Variants in SLC38A1 observed in about 807,000 individuals in gnomAD.
SLC38A1 encodes sodium-coupled neutral amino acid symporter 1.
A neutral mutation model predicts 60.3 loss-of-function variants in SLC38A1; 18 were observed. The observed-to-expected ratio is 0.30, with a 90% confidence interval of 0.21 to 0.44. SLC38A1 has a LOEUF of 0.44. Ranked by LOEUF, SLC38A1 falls within the 20% of genes least tolerant of loss-of-function variation. The pLI is 1.00. For missense variants in SLC38A1, 448 were observed against 587.2 expected, an observed-to-expected ratio of 0.76 and a Z score of 2.45; for synonymous variants, 196 against 212.1, an observed-to-expected ratio of 0.92 and a Z score of 0.66.
rs182046226 is a variant in SLC38A1 at position 46,184,997 on chromosome 12, C to T, written c.*3973G>A. ...CTCACTTTCTTGCCATTGCAGAGAC[C>T]CCTGCCGCCAGGCTCCTTTCCTCCC... On this transcript the variant is annotated 3_prime_UTR_variant, in exon 17 of 17. Coordinates refer to ENST00000398637, the MANE Select transcript of SLC38A1 (RefSeq NM_030674.4). 1 of 152,150 alleles carries T rather than the reference C, an allele frequency of 6.6e-6. No homozygotes were observed. Among genetic ancestry groups the T allele is most frequent in the East Asian group, 1.9e-4 (1 of 5,188 alleles). 9.4% of individuals were successfully genotyped at this position (152,150 alleles called of 1,614,324 possible).
intron 16 of SLC38A1, chr12:46,196,141 T>G: frequency 6.5e-7 from 1 of 1,535,912 alleles, no homozygotes; most frequent in Non-Finnish European, 8.7e-7. Context: ...TACAGATTAC[T>G]AAATCCAGAA....
chr12:46,196,971 C>T (rs1368906109), intron 16 of SLC38A1, among the ~76,000 whole-genome samples: 1 of 152,222 alleles, frequency 6.6e-6, no homozygotes, highest in Admixed American at 6.5e-5. Flanking sequence ...TTTAAGCTAA[C>T]TCAGACATTT....
At chr12:46,189,608 T>G (rs566336986) in intron 16 of SLC38A1, among the ~76,000 whole-genome samples, 1 of 152,188 alleles carries the variant, frequency 6.6e-6, no homozygotes, top group African/African-American at 2.4e-5. Context: ...GGTGGACAGA[T>G]GATGATATGG....
chr12:46,249,114 C>A (rs965856236), intron 1 of SLC38A1, among the ~76,000 whole-genome samples: 1 of 144,680 alleles, frequency 6.9e-6, no homozygotes, highest in African/African-American at 2.6e-5. Flanking sequence ...CAAGATCGTG[C>A]CACTGCACTC....
intron 8 of SLC38A1, 121 bp downstream of exon 8, chr12:46,207,034 A>G (rs1437108042): frequency 3.0e-6 from 2 of 666,100 alleles, no homozygotes; most frequent in African/African-American, 1.8e-5. Context: ...TGAAACAACA[A>G]ACAAACAAAA....
chr12:46,216,017 T>G (rs757282244), intron 5 of SLC38A1, among the ~76,000 whole-genome samples: 2 of 152,144 alleles, frequency 1.3e-5, no homozygotes, highest in Non-Finnish European at 2.9e-5. Context: ...AGACAAACCA[T>G]AGGAAATGCA....
At chr12:46,195,549 G>A (rs1368853842) in intron 16 of SLC38A1, among the ~76,000 whole-genome samples, 2 of 152,214 alleles carry the variant, frequency 1.3e-5, no homozygotes, top group Non-Finnish European at 1.5e-5. Context: ...TGCCTCCAGA[G>A]GTGGAATCTA....
At chr12:46,266,477 G>C (rs569491038) in intron 1 of SLC38A1, among the ~76,000 whole-genome samples, 2 of 151,786 alleles carry the variant, frequency 1.3e-5, no homozygotes, top group African/African-American at 4.8e-5. Context: ...CCTTCCGCTG[G>C]CCTTCTTCCC....
chr12:46,198,166 T>C (rs1939474669), intron 14 of SLC38A1, 106 bp from the exon 15 acceptor site: 21 of 1,212,368 alleles, frequency 1.7e-5, no homozygotes, highest in Admixed American at 1.2e-4. Context: ...TCATGAAATG[T>C]TTTGTAATGC....
intron 3 of SLC38A1, among the ~76,000 whole-genome samples, chr12:46,238,818 C>T (rs948822056): frequency 6.6e-6 from 1 of 152,216 alleles, no homozygotes; most frequent in African/African-American, 2.4e-5. Flanking sequence ...TGCTTCTCTC[C>T]TCAGTTGTGG....
At position 46,268,815 on chromosome 12, in the gene SLC38A1, C is replaced by T. The variant is rs1942451029; in HGVS notation, c.-498G>A. On this transcript the variant is annotated 5_prime_UTR_variant, in exon 1 of 17. Coordinates refer to ENST00000398637, the MANE Select transcript of SLC38A1 (RefSeq NM_030674.4). The surrounding 1 kb of genome is among the most constrained non-coding windows in gnomAD (Gnocchi z 4.4). ...TCCGGGCCGATTGCATCAGAATCTCCCCTCACCACCAACCCCCACTCACAC... is the reference window on the plus strand; with the variant it reads ...TCCGGGCCGATTGCATCAGAATCTCTCCTCACCACCAACCCCCACTCACAC... 1 of 436,264 alleles carries T rather than the reference C, an allele frequency of 2.3e-6. No individual in the cohort carries two copies. The highest frequency in any genetic ancestry group is 1.6e-5 in the South Asian group (1 of 62,374). 27.0% of individuals were successfully genotyped at this position (436,264 alleles called of 1,614,324 possible). A position where few individuals can be genotyped will look rare whatever the true frequency, so the allele number is the denominator to read the frequency against.
chr12:46,215,011 G>A (rs776065457), intron 5 of SLC38A1, among the ~76,000 whole-genome samples: 49 of 152,304 alleles, frequency 3.2e-4, no homozygotes, highest in Non-Finnish European at 5.3e-4. Context: ...AAACTTTAAC[G>A]TGTGTGCAAA....
intron 1 of SLC38A1, among the ~76,000 whole-genome samples, 166 bp from the exon 2 acceptor site, chr12:46,243,480 CT>C (rs67702782): frequency 0.015 from 2,222 of 152,248 alleles, 53 homozygotes; most frequent in African/African-American, 0.05. Context: ...ACTGTTGATA[CT>C]TGGTTAACTC....
In SLC38A1 at chr12:46,205,929, AAG is replaced by A. The variant is rs534837428; in HGVS notation, c.646+149_646+150del. Reference sequence around the variant, plus strand: ...TGACTGTTATTTTTATCCCATATTAAAGTTGGGACCGATTAATACTTGCAATT... The same window carrying A: ...TGACTGTTATTTTTATCCCATATTAATTGGGACCGATTAATACTTGCAATT... On this transcript the variant is annotated intron_variant, in intron 9 of 16. Transcript: ENST00000398637. 2.0e-3 allele frequency: 1,017 copies of A among 500,950 alleles called. 9 individuals carry two copies. Among genetic ancestry groups the A allele is most frequent in the African/African-American group, 0.017 (849 of 50,452 alleles). The allele number at this position is 500,950 out of a possible 1,614,324, so 31.0% of individuals were successfully genotyped here. A position where few individuals can be genotyped will look rare whatever the true frequency, so the allele number is the denominator to read the frequency against.
At chr12:46,252,774 C>T (rs1257438137) in intron 1 of SLC38A1, among the ~76,000 whole-genome samples, 1 of 151,570 alleles carries the variant, frequency 6.6e-6, no homozygotes, top group African/African-American at 2.4e-5. Flanking sequence ...CAGCATTATT[C>T]ACAATAGCCA....
intron 16 of SLC38A1, among the ~76,000 whole-genome samples, chr12:46,193,786 G>A (rs1462921292): frequency 6.6e-6 from 1 of 151,808 alleles, no homozygotes; most frequent in African/African-American, 2.4e-5. Context: ...CATTTGCTTG[G>A]TAGATCTTCC....
Position 46,211,740 on chromosome 12 carries a change from T to C in SLC38A1, c.315-2613A>G, listed in dbSNP as rs144140581. On this transcript the variant is annotated intron_variant, in intron 5 of 16. Coordinates refer to ENST00000398637, the MANE Select transcript of SLC38A1 (RefSeq NM_030674.4). The stretch of plus-strand genomic sequence containing the variant: ...ACAACAGAATGAGGTGCTCCCACAG[T>C]GGTGAAAACAACCCCCTCCCATGTT... Among the ~76,000 whole-genome samples the C allele has an allele frequency of 1.7e-3, 264 of 152,268 alleles. 1 individual carries two copies. Among genetic ancestry groups the C allele is most frequent in the African/African-American group, 6.1e-3 (253 of 41,556 alleles).
At chr12:46,249,007 T>G (rs990522434) in intron 1 of SLC38A1, among the ~76,000 whole-genome samples, 1 of 151,756 alleles carries the variant, frequency 6.6e-6, no homozygotes, top group East Asian at 1.9e-4. Flanking sequence ...ATACAAAAAA[T>G]TAACCAGGTG....
At chr12:46,256,613 G>GCGCACA (rs1555192371) in intron 1 of SLC38A1, among the ~76,000 whole-genome samples, 7 of 107,458 alleles carry the variant, frequency 6.5e-5, no homozygotes, top group African/African-American at 2.1e-4. Context: ...GCGCGCGCGC[G>GCGCACA]CACACACACA....
Sources: allele counts gnomAD v4.1 joint callset (sites outside exome capture counted in the v4.1 genomes callset), GRCh38; gene constraint gnomAD v4.1.1; non-coding constraint Gnocchi (gnomAD v3.1); transcripts MANE v1.5; gene names NCBI Gene and HGNC (gene_info 2026-07-23, HGNC 2026-07-21).